MLXIP: variants seen among roughly 807,000 people sequenced by gnomAD.
MLXIP encodes MLX interacting protein, also known as MLX-interacting protein.
MLXIP carries 30 observed loss-of-function variants against 87.2 expected under a neutral mutation model. The observed-to-expected ratio is 0.34, with a 90% CI of 0.26 to 0.47. The LOEUF (loss-of-function observed/expected upper bound fraction) is 0.47. Among genes scored for constraint, MLXIP ranks in the 20% least tolerant of loss-of-function variants. The pLI is 1.00. For synonymous variants in MLXIP, 530 were observed against 514.0 expected, an observed-to-expected ratio of 1.03 and a Z score of -0.42; for missense variants, 1,002 against 1,240.1, an observed-to-expected ratio of 0.81 and a Z score of 2.88.
At chr12:122,121,008 T>C (rs545554240) in intron 1 of MLXIP, among the ~76,000 whole-genome samples, 1 of 89,678 alleles carries the variant, frequency 1.1e-5, no homozygotes, top group South Asian at 3.4e-4. Context: ...TCTGCATGCT[T>C]GGTTTTTTTT....
chr12:122,113,353 C>T (rs1952633180), intron 1 of MLXIP, among the ~76,000 whole-genome samples: 2 of 152,126 alleles, frequency 1.3e-5, no homozygotes, highest in African/African-American at 4.8e-5. Context: ...CTGCAGCTTC[C>T]ACCTCCTGGA....
chr12:122,114,089 G>C (rs1371427895), intron 1 of MLXIP, among the ~76,000 whole-genome samples: 1 of 149,746 alleles, frequency 6.7e-6, no homozygotes, highest in Non-Finnish European at 1.5e-5. Context: ...CCAGGTTCAA[G>C]TGATTCTCCT....
In MLXIP at chr12:122,137,313, GAAT is replaced by G; in HGVS notation, c.2033-152_2033-150del. ...TTTAAGATTTTCAGGGAGTGAATAA[GAAT>G]AATCTAAGGAAGCATGTGTGTGCAG... On this transcript the variant is annotated intron_variant, in intron 11 of 16. Coordinates refer to ENST00000319080, the MANE Select transcript of MLXIP (RefSeq NM_014938.6). This position sits in a 1 kb window ranked among gnomAD's most constrained non-coding sequence, Gnocchi z 4.1. 1 of 707,158 alleles carries G rather than the reference GAAT, an allele frequency of 1.4e-6. No individual in the cohort carries two copies. Among genetic ancestry groups the G allele is most frequent in the Admixed American group, 3.5e-5 (1 of 28,272 alleles). 43.8% of individuals were successfully genotyped at this position (707,158 alleles called of 1,614,324 possible). A position where few individuals can be genotyped will look rare whatever the true frequency, so the allele number is the denominator to read the frequency against.
At position 122,142,041 on chromosome 12, in the gene MLXIP, G is replaced by A. The variant is rs1953216783; in HGVS notation, c.*229G>A. ...CCCTTGCTGTGAACTCTCTCACTCA[G>A]TGACCTCAGTCACCAACCTCCTCTG... On this transcript the variant is annotated 3_prime_UTR_variant, in exon 17 of 17. Transcript: ENST00000319080. 5.9e-5 allele frequency: 40 copies of A among 680,730 alleles called. No individual in the cohort carries two copies. In the South Asian group the frequency reaches 6.9e-4, roughly 12 times the overall value. 42.2% of individuals were successfully genotyped at this position (680,730 alleles called of 1,614,324 possible).
rs540078704 is a variant in MLXIP, at chr12:122,146,431, C to G, written c.*4619C>G. ...AACGCTGACGAAGGGTTTTAGGACCCCCACCCCCATGCCTGTACCAGGGCT... is the reference window on the plus strand; with the variant it reads ...AACGCTGACGAAGGGTTTTAGGACCGCCACCCCCATGCCTGTACCAGGGCT... On this transcript the variant is annotated 3_prime_UTR_variant, in exon 17 of 17. Transcript: ENST00000319080. The G allele has an allele frequency of 2.0e-4, 31 of 152,460 alleles. No homozygotes were observed. Among genetic ancestry groups the G allele is most frequent in the Admixed American group, 1.8e-3 (28 of 15,292 alleles). 9.4% of individuals were successfully genotyped at this position (152,460 alleles called of 1,614,324 possible).
intron 1 of MLXIP, among the ~76,000 whole-genome samples, chr12:122,099,234 A>G (rs147786161): frequency 0.47 from 71,759 of 152,090 alleles, 17,477 homozygotes; most frequent in African/African-American, 0.59. Context: ...GAGCAAGGCC[A>G]TGTCTCCAAA....
At chr12:122,115,411 A>C (rs1274739593) in intron 1 of MLXIP, among the ~76,000 whole-genome samples, 1 of 151,604 alleles carries the variant, frequency 6.6e-6, no homozygotes, top group Non-Finnish European at 1.5e-5. Flanking sequence ...AACATGGTGA[A>C]ACCCCGTCTC....
intron 1 of MLXIP, among the ~76,000 whole-genome samples, chr12:122,086,416 A>G (rs1188955979): frequency 2.6e-5 from 4 of 152,154 alleles, no homozygotes; most frequent in Non-Finnish European, 5.9e-5. Context: ...CCTGGTTATA[A>G]AAGGAAAGGT....
intron 9 of MLXIP, chr12:122,134,205 G>GTTTTTT (rs57471735): frequency 1.2e-5 from 6 of 499,252 alleles, no homozygotes; most frequent in African/African-American, 4.2e-5. Flanking sequence ...TTTTTGTTTG[G>GTTTTTT]TTTTTTTTTT....
In MLXIP at chr12:122,145,158, T is replaced by C. The variant is rs1953278423; in HGVS notation, c.*3346T>C. The C allele has an allele frequency of 1.3e-5, 2 of 152,164 alleles. No homozygotes were observed. The highest frequency in any genetic ancestry group is 4.1e-4 in the South Asian group (2 of 4,834). 9.4% of individuals were successfully genotyped at this position (152,164 alleles called of 1,614,324 possible). On this transcript the variant is annotated 3_prime_UTR_variant, in exon 17 of 17. Coordinates refer to ENST00000319080, the MANE Select transcript of MLXIP (RefSeq NM_014938.6). ...AGGACATCTCTACTTTGAAGGATTT[T>C]ACCGCAGGAAGCAATAGCAGCGCTG...
chr12:122,094,919 G>T (rs897640410), intron 1 of MLXIP, among the ~76,000 whole-genome samples: 71,305 of 145,716 alleles, frequency 0.49, 17,791 homozygotes, highest in Admixed American at 0.57. Context: ...TGTGTGCATT[G>T]TCTGGTGTTG....
At chr12:122,138,392 G>A (rs1022614759) in intron 13 of MLXIP, 32 bp from the exon 14 acceptor site, 2 of 1,611,200 alleles carry the variant, frequency 1.2e-6, no homozygotes, top group Admixed American at 1.7e-5. Context: ...CTGGCTGTGG[G>A]TGCTGCCTCC....
intron 1 of MLXIP, among the ~76,000 whole-genome samples, chr12:122,080,369 A>G (rs1388209283): frequency 2.0e-5 from 3 of 152,138 alleles, no homozygotes; most frequent in African/African-American, 7.2e-5. Context: ...ACAGCGTAAT[A>G]AAAGAGCAGG....
At position 122,127,375 on chromosome 12, in the gene MLXIP, C is replaced by A; in HGVS notation, c.520+13C>A. 1 of 1,585,374 alleles carries A rather than the reference C, an allele frequency of 6.3e-7. No homozygotes were observed. Among genetic ancestry groups the A allele is most frequent in the East Asian group, 2.3e-5 (1 of 44,256 alleles). On this transcript the variant is annotated intron_variant, in intron 2 of 16. Coordinates refer to ENST00000319080, the MANE Select transcript of MLXIP (RefSeq NM_014938.6). ...TGGTACATGCAGTGTAAGTGCCGCC[C>A]AGCCTGGGCGCCGGTGGTGGTCAGA...
rs1300963542 is a variant in MLXIP at position 122,132,373 on chromosome 12, C to T, written c.1082C>T (p.Pro361Leu). 1.2e-6 allele frequency: 2 copies of T among 1,611,638 alleles called. No homozygotes were observed. Among genetic ancestry groups the T allele is most frequent in the East Asian group, 2.2e-5 (1 of 44,808 alleles). Residue 361 changes from proline (P) to leucine (L), a missense_variant, in exon 8 of 17, where the codon CCA becomes CTA. By Grantham distance (98) the Pro-to-Leu change is moderately conservative. Around this residue, in one of 3 missense-constraint regions of MLXIP, gnomAD observed 746 missense variants for 897.0 expected, o/e 0.83. Transcript: ENST00000319080. ...GCACCTGTACCAGATCCCAACAACC[C>T]ACCTGCACAGGTAGAGGAAGCTGGG... ...ASAPVPDPNN[P>L]PAQESILPTT...
intron 1 of MLXIP, among the ~76,000 whole-genome samples, chr12:122,120,335 A>G (rs1452332272): frequency 1.3e-5 from 2 of 151,860 alleles, no homozygotes; most frequent in Non-Finnish European, 2.9e-5. Flanking sequence ...CAATCCTCCC[A>G]TCTCAGTCTT....
rs1219629870 is a variant in MLXIP at position 122,133,399 on chromosome 12, C to T, written c.1144C>T (p.Leu382Phe). Reference protein sequence around the residue: ...ALPTVSLPDSLIAPPTAPSLA... With the variant: ...ALPTVSLPDSFIAPPTAPSLA... ...CCCCACTGTGAGCCTTCCTGACAGC[C>T]TCATCGCGCCCCCTACCGCCCCATC... The change falls in exon 9 of 17, where the codon CTC becomes TTC. Residue 382 changes from leucine (L) to phenylalanine (F), a missense_variant. Physicochemically the swap from Leu to Phe is conservative, Grantham distance 22 (BLOSUM62 0). Around this residue, in one of 3 missense-constraint regions of MLXIP, gnomAD observed 746 missense variants for 897.0 expected, o/e 0.83. Coordinates refer to ENST00000319080, the MANE Select transcript of MLXIP (RefSeq NM_014938.6). This position sits in a 1 kb window ranked among gnomAD's most constrained non-coding sequence, Gnocchi z 4.9. 2 of 1,601,978 alleles carry T rather than the reference C, an allele frequency of 1.2e-6. No homozygotes were observed. The highest frequency in any genetic ancestry group is 2.2e-5 in the East Asian group (1 of 44,672).
intron 1 of MLXIP, among the ~76,000 whole-genome samples, chr12:122,094,107 TG>T (rs1952301490): frequency 7.4e-6 from 1 of 135,410 alleles, no homozygotes; most frequent in African/African-American, 2.8e-5. Flanking sequence ...GGTGTGTGTG[TG>T]GTGTGTTGTG....
At chr12:122,099,859 C>T (rs531388831) in intron 1 of MLXIP, among the ~76,000 whole-genome samples, 7 of 152,264 alleles carry the variant, frequency 4.6e-5, no homozygotes, top group African/African-American at 1.7e-4. Context: ...AGGGTGGAGG[C>T]GGCTCACATG....
Sources: gnomAD v4.1 joint callset for allele counts (sites outside exome capture counted in the v4.1 genomes callset) on GRCh38, gnomAD v4.1.1 for gene constraint, gnomAD v4.1.1 regional missense constraint, Gnocchi (gnomAD v3.1) non-coding constraint, MANE v1.5 for transcripts, NCBI Gene and HGNC (gene_info 2026-07-23, HGNC 2026-07-21) for gene names.